The following CACUL1 variants were observed in gnomAD, a reference collection of about 807,000 sequenced individuals.
CACUL1 encodes the protein CDK2 associated cullin domain 1, also known as CDK2-associated and cullin domain-containing protein 1.
CACUL1 carries 13 observed loss-of-function variants against 45.2 expected under a neutral mutation model. That is an observed-to-expected ratio of 0.29 (90% CI 0.19 to 0.46). CACUL1 has a LOEUF of 0.46. CACUL1 is among the 20% of genes least tolerant of loss of function. The probability of loss-of-function intolerance (pLI) is 1.00; values close to 1 mark genes in which losing one functional copy is unlikely to be tolerated. For missense variants in CACUL1, 421 were observed against 471.4 expected, an observed-to-expected ratio of 0.89 and a Z score of 0.99; for synonymous variants, 197 against 174.2, an observed-to-expected ratio of 1.13 and a Z score of -1.03.
At chr10:118,687,256 T>C (rs1302832664) in intron 7 of CACUL1, among the ~76,000 whole-genome samples, 1 of 152,164 alleles carries the variant, frequency 6.6e-6, no homozygotes, top group African/African-American at 2.4e-5. Context: ...CTCCCATATC[T>C]ACATCTCCAA....
At position 118,731,248 on chromosome 10, in the gene CACUL1, C is replaced by T. The variant is rs967286673; in HGVS notation, c.368-838G>A. On this transcript the variant is annotated intron_variant, in intron 1 of 8. Transcript: ENST00000369151. The stretch of plus-strand genomic sequence containing the variant: ...ACAGTTACCTCAGGAGTAACAACAA[C>T]GAGACCAGGTATTTCACTGTTTATT... 3.3e-5 allele frequency among the ~76,000 whole-genome samples: 5 copies of T among 152,296 alleles called. No homozygotes were observed. In the East Asian group the frequency reaches 5.8e-4, roughly 18 times the overall value.
intron 4 of CACUL1, 26 bp downstream of exon 4, chr10:118,707,466 G>A (rs764761453): frequency 1.9e-6 from 2 of 1,052,426 alleles, no homozygotes; most frequent in East Asian, 2.4e-5. Flanking sequence ...TAGGTATTTG[G>A]GAAGGAGGAA....
intron 1 of CACUL1, among the ~76,000 whole-genome samples, chr10:118,752,350 T>TATGATATTTA (rs1845907277): frequency 1.3e-5 from 2 of 152,180 alleles, no homozygotes; most frequent in Admixed American, 6.5e-5. Context: ...TACCAAGAGT[T>TATGATATTTA]TTTATCATAA....
chr10:118,743,100 T>G (rs1845807116), intron 1 of CACUL1, among the ~76,000 whole-genome samples: 1 of 152,088 alleles, frequency 6.6e-6, no homozygotes, highest in Non-Finnish European at 1.5e-5. Flanking sequence ...AAGAGCAGGA[T>G]TAACAGCAGA....
chr10:118,682,360 CATA>C lies in CACUL1; in HGVS notation c.*3765_*3767del, dbSNP rs1032914695. ...TTTAACTCAAGGGCAATGCTTCTTG[CATA>C]ATAATCACAAAAATAATTAACTGCT... On this transcript the variant is annotated 3_prime_UTR_variant, in exon 9 of 9. Coordinates refer to ENST00000369151, the MANE Select transcript of CACUL1 (RefSeq NM_153810.5). 6.6e-6 allele frequency: 1 copy of C among 151,980 alleles called. No homozygotes were observed. The highest frequency in any genetic ancestry group is 2.4e-5 in the African/African-American group (1 of 41,344). The allele number at this position is 151,980 out of a possible 1,614,324, so 9.4% of individuals were successfully genotyped here. A position where few individuals can be genotyped will look rare whatever the true frequency, so the allele number is the denominator to read the frequency against.
At chr10:118,688,381 A>G (rs2119543396) in intron 7 of CACUL1, among the ~76,000 whole-genome samples, 1 of 152,384 alleles carries the variant, frequency 6.6e-6, no homozygotes, top group East Asian at 1.9e-4. Flanking sequence ...TTAATGATCA[A>G]AAAGGAAGAC....
chr10:118,739,401 AC>A (rs1408460337), intron 1 of CACUL1, among the ~76,000 whole-genome samples: 24 of 152,296 alleles, frequency 1.6e-4, no homozygotes, highest in Non-Finnish European at 2.5e-4. Context: ...AAAAAAAAGA[AC>A]TAAGAAATTT....
At chr10:118,688,527 G>A (rs1845230145) in intron 7 of CACUL1, among the ~76,000 whole-genome samples, 1 of 151,742 alleles carries the variant, frequency 6.6e-6, no homozygotes. Context: ...AGGAAAAGGA[G>A]TATCAATGTG....
chr10:118,697,860 T>C (rs1845337563), intron 5 of CACUL1, among the ~76,000 whole-genome samples: 1 of 152,212 alleles, frequency 6.6e-6, no homozygotes, highest in South Asian at 2.1e-4. Flanking sequence ...ATCACCAACA[T>C]ACGACGTAAA....
rs1246267228 is a variant in CACUL1, at chr10:118,677,928, T to C, written c.*8200A>G. 2 of 152,238 alleles carry C rather than the reference T, an allele frequency of 1.3e-5. No individual in the cohort carries two copies. Among genetic ancestry groups the C allele is most frequent in the African/African-American group, 4.8e-5 (2 of 41,450 alleles). The allele number at this position is 152,238 out of a possible 1,614,324, so 9.4% of individuals were successfully genotyped here. On this transcript the variant is annotated 3_prime_UTR_variant, in exon 9 of 9. Coordinates refer to ENST00000369151, the MANE Select transcript of CACUL1 (RefSeq NM_153810.5). Reference sequence around the variant, plus strand: ...CATTAGATAATACTGTTCTCCAAAGTAGAAGTGCAGATTTACACGCCAACA... The same window carrying C: ...CATTAGATAATACTGTTCTCCAAAGCAGAAGTGCAGATTTACACGCCAACA...
At chr10:118,748,132 G>A (rs192702114) in intron 1 of CACUL1, among the ~76,000 whole-genome samples, 48 of 152,312 alleles carry the variant, frequency 3.2e-4, no homozygotes, top group African/African-American at 1.2e-3. Flanking sequence ...ATTTCAGGGT[G>A]ACAGAAATGT....
At chr10:118,695,076 C>A in intron 6 of CACUL1, 65 bp downstream of exon 6, 1 of 988,456 alleles carries the variant, frequency 1.0e-6, no homozygotes, top group South Asian at 1.3e-5. Flanking sequence ...CATACAGAAC[C>A]ACTGCCCTCT....
intron 1 of CACUL1, among the ~76,000 whole-genome samples, chr10:118,746,938 G>A (rs1845848335): frequency 6.6e-6 from 1 of 152,210 alleles, no homozygotes; most frequent in African/African-American, 2.4e-5. Context: ...TCGGTGGCCT[G>A]TAAGGAACCA....
At position 118,685,591 on chromosome 10, in the gene CACUL1, T is replaced by G. The variant is rs1463787638; in HGVS notation, c.*537A>C. ...AGTTCTAGCAAAAGCAGAGTTAGCA[T>G]TTTCCTTTAACAAGACTTTCTAATG... On this transcript the variant is annotated 3_prime_UTR_variant, in exon 9 of 9. Coordinates refer to ENST00000369151, the MANE Select transcript of CACUL1 (RefSeq NM_153810.5). 1 of 152,700 alleles carries G rather than the reference T, an allele frequency of 6.5e-6. No homozygotes were observed. The highest frequency in any genetic ancestry group is 1.5e-5 in the Non-Finnish European group (1 of 68,120). 9.5% of individuals were successfully genotyped at this position (152,700 alleles called of 1,614,324 possible).
intron 3 of CACUL1, among the ~76,000 whole-genome samples, chr10:118,711,865 C>G (rs1205667495): frequency 1.3e-5 from 2 of 152,122 alleles, no homozygotes; most frequent in African/African-American, 4.8e-5. Flanking sequence ...TAGCAGTCTT[C>G]TAAAATAAAC....
intron 3 of CACUL1, among the ~76,000 whole-genome samples, chr10:118,711,411 C>G (rs183597833): frequency 6.7e-4 from 102 of 152,324 alleles, no homozygotes; most frequent in Non-Finnish European, 1.5e-4. Context: ...TCTTTGTTAA[C>G]TAAAGAACTT....
Position 118,754,606 on chromosome 10 carries a change from G to A in CACUL1, c.157C>T (p.Pro53Ser), listed in dbSNP as rs1304527273. The change falls in exon 1 of 9, where the codon CCG (proline) becomes TCG (serine). Residue 53 changes from proline to serine, a missense_variant. This residue lies in a region of CACUL1 where 213 missense variants were observed against 173.1 expected (regional missense o/e 1.23). Coordinates refer to ENST00000369151, the MANE Select transcript of CACUL1 (RefSeq NM_153810.5). ...GGCACCGCCAGCAGCTGCCCCCCCGGAGGCTCTCGGGCAGGGGCCGGGATC... is the reference window on the plus strand; with the variant it reads ...GGCACCGCCAGCAGCTGCCCCCCCGAAGGCTCTCGGGCAGGGGCCGGGATC... ...SSIPAPAREPPGGQLLAVPAV... is the reference protein window; with the variant it reads ...SSIPAPAREPSGGQLLAVPAV... The A allele has an allele frequency of 1.2e-6, 2 of 1,608,766 alleles. No homozygotes were observed. Among genetic ancestry groups the A allele is most frequent in the Non-Finnish European group, 8.5e-7 (1 of 1,177,744 alleles).
chr10:118,714,630 C>A (rs1258712185), intron 3 of CACUL1, among the ~76,000 whole-genome samples: 1 of 152,016 alleles, frequency 6.6e-6, no homozygotes, highest in Non-Finnish European at 1.5e-5. Flanking sequence ...AGTGAAAATA[C>A]CGTTCTATGC....
chr10:118,685,357 G>GA lies in CACUL1; in HGVS notation c.*770dup, dbSNP rs1554893680. ...AACATTAATATGAATATGCTCTGGT[G>GA]AACCAGGGGAAAATCCGACCCATGT... On this transcript the variant is annotated 3_prime_UTR_variant, in exon 9 of 9. Coordinates refer to ENST00000369151, the MANE Select transcript of CACUL1 (RefSeq NM_153810.5). The GA allele has an allele frequency of 1.3e-5, 2 of 152,630 alleles. No individual in the cohort carries two copies. Among genetic ancestry groups the GA allele is most frequent in the Admixed American group, 6.5e-5 (1 of 15,278 alleles). The allele number at this position is 152,630 out of a possible 1,614,324, so 9.5% of individuals were successfully genotyped here.
Sources: gnomAD v4.1 joint callset for allele counts (sites outside exome capture counted in the v4.1 genomes callset) on GRCh38, gnomAD v4.1.1 for gene constraint, gnomAD v4.1.1 regional missense constraint, MANE v1.5 for transcripts, NCBI Gene and HGNC (gene_info 2026-07-23, HGNC 2026-07-21) for gene names.